Variants in DCAF8L2 observed in about 807,000 individuals in gnomAD.
DCAF8L2 encodes DDB1- and CUL4-associated factor 8-like protein 2.
For missense variants in DCAF8L2, 430 were observed against 490.7 expected, an observed-to-expected ratio of 0.88 and a Z score of 1.17; for synonymous variants, 200 against 190.9, an observed-to-expected ratio of 1.05 and a Z score of -0.39.
At chrX:27,722,387 T>C (rs1173343685) in intron 4 of DCAF8L2, among the ~76,000 whole-genome samples, 2 of 111,575 alleles carry the variant, frequency 1.8e-5, no homozygotes, top group African/African-American at 6.5e-5. Flanking sequence ...TTGAAGATCA[T>C]AGGTTAGCCC....
chrX:27,601,726 AT>A (rs1264710003), intron 1 of DCAF8L2, among the ~76,000 whole-genome samples: 1 of 109,388 alleles, frequency 9.1e-6, no homozygotes, highest in Non-Finnish European at 1.9e-5. Flanking sequence ...AATTTGAGTC[AT>A]TGTAAGACCC....
chrX:27,569,428 C>T, the DCAF8L2 span, among the ~76,000 whole-genome samples: 1 of 111,520 alleles, frequency 9.0e-6, no homozygotes, highest in Non-Finnish European at 1.9e-5. Flanking sequence ...ATCATATATC[C>T]CAGTTCAGGC....
At chrX:27,572,579 C>A in the DCAF8L2 span, among the ~76,000 whole-genome samples, 11 of 111,874 alleles carry the variant, frequency 9.8e-5, no homozygotes, top group East Asian at 3.1e-3. Flanking sequence ...AGAATGATTC[C>A]TGATTTAGTT....
chrX:27,551,414 G>A, the DCAF8L2 span, among the ~76,000 whole-genome samples: 1 of 110,724 alleles, frequency 9.0e-6, no homozygotes, highest in Non-Finnish European at 1.9e-5. Context: ...ATTGAAGTAT[G>A]TGTTTTTTTA....
chrX:27,603,911 TAAAAC>T (rs898006229), intron 1 of DCAF8L2, among the ~76,000 whole-genome samples: 1 of 111,924 alleles, frequency 8.9e-6, no homozygotes, highest in Non-Finnish European at 1.9e-5. Context: ...CAGTAGCACT[TAAAAC>T]AACTGAGTAG....
the DCAF8L2 span, among the ~76,000 whole-genome samples, chrX:27,572,935 C>T: frequency 9.0e-6 from 1 of 111,251 alleles, no homozygotes; most frequent in African/African-American, 3.3e-5. Flanking sequence ...ACTAAGTTCT[C>T]CTAGAATGAT....
chrX:27,699,151 TG>T (rs1931037637), intron 3 of DCAF8L2, among the ~76,000 whole-genome samples: 1 of 111,876 alleles, frequency 8.9e-6, no homozygotes, highest in Admixed American at 9.5e-5. Context: ...AAGATAGTGC[TG>T]GGGGTGGAAA....
the DCAF8L2 span, among the ~76,000 whole-genome samples, chrX:27,573,233 A>ATC: frequency 0.057 from 4,765 of 83,031 alleles, 206 homozygotes; most frequent in African/African-American, 0.14. Flanking sequence ...TATTTAAGAA[A>ATC]TCTCTCTCTC....
At chrX:27,500,826 T>G in the DCAF8L2 span, among the ~76,000 whole-genome samples, 2 of 111,643 alleles carry the variant, frequency 1.8e-5, no homozygotes, top group African/African-American at 6.5e-5. Context: ...AAGCAAAAGA[T>G]TAATAGACCA....
At chrX:27,642,869 C>G (rs914971931) in intron 2 of DCAF8L2, among the ~76,000 whole-genome samples, 2 of 111,797 alleles carry the variant, frequency 1.8e-5, no homozygotes, top group African/African-American at 6.5e-5. Context: ...TTGGACGTTG[C>G]AGGTGATATG....
chrX:27,521,882 C>A, the DCAF8L2 span, among the ~76,000 whole-genome samples: 2 of 112,098 alleles, frequency 1.8e-5, no homozygotes, highest in Non-Finnish European at 3.8e-5. Context: ...GCTACTGATA[C>A]ATGCAAGATA....
chrX:27,513,406 CTT>C, the DCAF8L2 span, among the ~76,000 whole-genome samples: 1 of 111,383 alleles, frequency 9.0e-6, no homozygotes, highest in Non-Finnish European at 1.9e-5. Context: ...ACTAAATAAT[CTT>C]ATTAAAAAAT....
intron 2 of DCAF8L2, among the ~76,000 whole-genome samples, chrX:27,669,657 T>C (rs1363008124): frequency 9.3e-6 from 1 of 107,098 alleles, no homozygotes; most frequent in Admixed American, 1.0e-4. Flanking sequence ...TGGTGTGTGA[T>C]GTTCCCCTTC....
chrX:27,732,829 T>G (rs1569196254), intron 4 of DCAF8L2, among the ~76,000 whole-genome samples: 1 of 111,036 alleles, frequency 9.0e-6, no homozygotes, highest in African/African-American at 3.3e-5. Flanking sequence ...CAAATTACTT[T>G]CCTACCAACA....
chrX:27,719,687 C>T (rs145239867), intron 4 of DCAF8L2, among the ~76,000 whole-genome samples: 1,336 of 110,915 alleles, frequency 0.012, 20 homozygotes, highest in African/African-American at 0.042. Context: ...TCAAGTGATC[C>T]GCACACCTCA....
the DCAF8L2 span, among the ~76,000 whole-genome samples, chrX:27,481,066 G>T: frequency 4.5e-5 from 5 of 111,282 alleles, no homozygotes; most frequent in Non-Finnish European, 5.6e-5. Context: ...ATTTTACAGG[G>T]CTTTAGTCCA....
At chrX:27,722,589 A>G (rs780250829) in intron 4 of DCAF8L2, among the ~76,000 whole-genome samples, 1 of 111,590 alleles carries the variant, frequency 9.0e-6, no homozygotes, top group East Asian at 2.8e-4. Flanking sequence ...TATCACTTTC[A>G]CAACATCATG....
chrX:27,677,704 T>C (rs944770464), intron 2 of DCAF8L2, 132 bp from the exon 3 acceptor site: 3 of 111,981 alleles, frequency 2.7e-5, no homozygotes, highest in Admixed American at 9.5e-5. Context: ...AGAATCGTGC[T>C]CTTTATCCTA....
chrX:27,624,507 C>A (rs937815573), intron 1 of DCAF8L2, among the ~76,000 whole-genome samples: 2 of 110,111 alleles, frequency 1.8e-5, no homozygotes, highest in Non-Finnish European at 3.8e-5. Context: ...AAAAAAAAAA[C>A]TATTCTAAAA....
Sources: allele counts gnomAD v4.1 joint callset (sites outside exome capture counted in the v4.1 genomes callset), GRCh38; gene constraint gnomAD v4.1.1; transcripts MANE v1.5; gene names NCBI Gene and HGNC (gene_info 2026-07-23, HGNC 2026-07-21).